The following DDAH1 variants were observed in gnomAD, a reference collection of about 807,000 sequenced individuals.
DDAH1 encodes the protein dimethylarginine dimethylaminohydrolase 1.
DDAH1 carries 19 observed loss-of-function variants against 28.8 expected under a neutral mutation model. The observed-to-expected ratio is 0.66, with a 90% confidence interval of 0.46 to 0.97. The LOEUF (loss-of-function observed/expected upper bound fraction) is 0.97, where lower values mean the gene tolerates loss of function less well. Among genes scored for constraint, DDAH1 ranks in the 50% least tolerant of loss-of-function variants. The probability of loss-of-function intolerance (pLI) is 0.00; values close to 1 mark genes in which losing one functional copy is unlikely to be tolerated. For missense variants in DDAH1, 326 were observed against 375.9 expected (o/e 0.87, Z 1.10); for synonymous variants, 153 against 154.4 (o/e 0.99, Z 0.07).
chr1:85,370,967 A>G (rs533427817), intron 1 of DDAH1, among the ~76,000 whole-genome samples: 4 of 152,332 alleles, frequency 2.6e-5, no homozygotes, highest in South Asian at 2.1e-4. Flanking sequence ...AATCTAAGAG[A>G]TATCAGAAGA....
In DDAH1 at chr1:85,464,350, G is replaced by A. The variant is rs918007837; in HGVS notation, c.303+393C>T. ...TCACGACTGGCGCTGCCCCCTGGAGGGACGCCCAGCCTCCACCCGCCCTAC... is the reference window on the plus strand; with the variant it reads ...TCACGACTGGCGCTGCCCCCTGGAGAGACGCCCAGCCTCCACCCGCCCTAC... On this transcript the variant is annotated intron_variant, in intron 1 of 5. Transcript: ENST00000284031. This position sits in a 1 kb window ranked among gnomAD's most constrained non-coding sequence, Gnocchi z 4.4. The A allele has an allele frequency of 1.3e-5, 8 of 609,676 alleles. No individual in the cohort carries two copies. Among genetic ancestry groups the A allele is most frequent in the African/African-American group, 1.9e-5 (1 of 53,258 alleles). The allele number at this position is 609,676 out of a possible 1,614,324, so 37.8% of individuals were successfully genotyped here.
intron 1 of DDAH1, among the ~76,000 whole-genome samples, chr1:85,387,406 T>TTCA (rs886921593): frequency 1.6e-4 from 25 of 152,312 alleles, no homozygotes; most frequent in African/African-American, 5.5e-4. Flanking sequence ...CCAGATAACC[T>TTCA]TCATCATCAT....
At chr1:85,383,106 T>C (rs758979318) in intron 1 of DDAH1, among the ~76,000 whole-genome samples, 2 of 152,216 alleles carry the variant, frequency 1.3e-5, no homozygotes, top group African/African-American at 2.4e-5. Context: ...ATACATTTCA[T>C]AGGGCTATTG....
At chr1:85,410,945 G>A (rs930249540) in intron 1 of DDAH1, among the ~76,000 whole-genome samples, 5 of 152,134 alleles carry the variant, frequency 3.3e-5, no homozygotes, top group Non-Finnish European at 1.5e-5. Context: ...AAGAGGGAGG[G>A]AGACAGTATA....
chr1:85,493,884 A>G (rs1656489144), intron 2 of DDAH1: 3 of 152,232 alleles, frequency 2.0e-5, no homozygotes, highest in African/African-American at 7.2e-5. Flanking sequence ...TTTATAAGAA[A>G]GGTTTATTGG....
chr1:85,439,954 T>G (rs1043727676), intron 1 of DDAH1, among the ~76,000 whole-genome samples: 1 of 152,226 alleles, frequency 6.6e-6, no homozygotes, highest in African/African-American at 2.4e-5. Context: ...TAGCCTTTGA[T>G]ATGATGTGTC....
chr1:85,479,748 T>C (rs191622598), intron 2 of DDAH1, among the ~76,000 whole-genome samples: 362 of 152,296 alleles, frequency 2.4e-3, no homozygotes, highest in Non-Finnish European at 3.9e-3. Flanking sequence ...GCTAGTTCAG[T>C]TTGCTGGGCC....
intron 1 of DDAH1, among the ~76,000 whole-genome samples, chr1:85,365,012 A>G (rs1012624477): frequency 6.6e-6 from 1 of 152,226 alleles, no homozygotes; most frequent in African/African-American, 2.4e-5. Flanking sequence ...TTAGTTAGCA[A>G]TGGTAACAGC....
intron 4 of DDAH1, among the ~76,000 whole-genome samples, chr1:85,331,073 G>A (rs1014885489): frequency 1.3e-5 from 2 of 152,182 alleles, no homozygotes; most frequent in Non-Finnish European, 2.9e-5. Flanking sequence ...TGTTCCCCAG[G>A]GTGGAGCTGT....
At chr1:85,563,916 G>A (rs1659210830) in intron 1 of DDAH1, among the ~76,000 whole-genome samples, 1 of 152,212 alleles carries the variant, frequency 6.6e-6, no homozygotes, top group East Asian at 1.9e-4. Flanking sequence ...GCTCACGCCT[G>A]TAATCCCAGC....
At chr1:85,426,309 T>C (rs577887685) in intron 1 of DDAH1, among the ~76,000 whole-genome samples, 1 of 152,272 alleles carries the variant, frequency 6.6e-6, no homozygotes, top group South Asian at 2.1e-4. Context: ...CCCTCTACAG[T>C]GTTGGTATAA....
chr1:85,334,095 C>T lies in DDAH1; in HGVS notation c.598-9212G>A, dbSNP rs551694560. 8.7e-4 allele frequency among the ~76,000 whole-genome samples: 133 copies of T among 152,200 alleles called. 1 individual carries two copies. In the Middle Eastern group the frequency reaches 0.01, roughly 12 times the overall value. ...AGACCAGAGGGAAGTAATTGGATCA[C>T]GGGGACGGTTCCGCACATGCTGTTC... On this transcript the variant is annotated intron_variant, in intron 4 of 5. Transcript: ENST00000284031.
At position 85,511,173 on chromosome 1, in the gene DDAH1, A is replaced by AT. The variant is rs1214657515; in HGVS notation, c.-122-14893dup. 2.6e-5 allele frequency among the ~76,000 whole-genome samples: 4 copies of AT among 152,370 alleles called. No homozygotes were observed. In the East Asian group the frequency reaches 7.7e-4, roughly 29 times the overall value. On this transcript the variant is annotated intron_variant, in intron 1 of 6. Coordinates refer to the DDAH1 transcript ENST00000426972. ...GTCTCTCGGACCACACTGCAATCAA[A>AT]TTAGACCTCAGGATTAAGAAACTCA... is the stretch of plus-strand genomic sequence containing the variant.
At chr1:85,483,832 A>G (rs998526881) in intron 2 of DDAH1, among the ~76,000 whole-genome samples, 1 of 152,158 alleles carries the variant, frequency 6.6e-6, no homozygotes, top group African/African-American at 2.4e-5. Flanking sequence ...ATTCAGCCCA[A>G]CACTCGCTCT....
At chr1:85,408,459 T>C (rs1184504366) in intron 1 of DDAH1, among the ~76,000 whole-genome samples, 1 of 152,210 alleles carries the variant, frequency 6.6e-6, no homozygotes, top group Non-Finnish European at 1.5e-5. Context: ...ATCATTTTGA[T>C]TTACATGTTT....
At chr1:85,483,485 A>G (rs1466038007) in intron 2 of DDAH1, among the ~76,000 whole-genome samples, 1 of 152,204 alleles carries the variant, frequency 6.6e-6, no homozygotes, top group Non-Finnish European at 1.5e-5. Flanking sequence ...AGGTACAGTT[A>G]ACAATTTCTT....
At chr1:85,520,378 A>G (rs1657640136) in intron 1 of DDAH1, among the ~76,000 whole-genome samples, 1 of 152,222 alleles carries the variant, frequency 6.6e-6, no homozygotes, top group African/African-American at 2.4e-5. Context: ...CTAAACTTTT[A>G]AAGGTAGACA....
rs376128434 is a variant in DDAH1 at position 85,321,434 on chromosome 1, C to A, written c.*18G>T. The A allele has an allele frequency of 1.2e-5, 19 of 1,570,120 alleles. No individual in the cohort carries two copies. The highest frequency in any genetic ancestry group is 1.5e-5 in the Non-Finnish European group (17 of 1,140,664). On this transcript the variant is annotated 3_prime_UTR_variant, in exon 6 of 6. Transcript: ENST00000284031. ...TTGCCTGTGCGGTCTTGCCGGCTAC[C>A]GGGGGGGACTCTGCAGCTCAGGAGT...
chr1:85,519,286 C>T (rs76460277), intron 1 of DDAH1, among the ~76,000 whole-genome samples: 1 of 151,790 alleles, frequency 6.6e-6, no homozygotes, highest in Non-Finnish European at 1.5e-5. Context: ...TTAGTAGATA[C>T]GGGGTTTCAC....
Sources: gnomAD v4.1 joint callset for allele counts (sites outside exome capture counted in the v4.1 genomes callset) on GRCh38, gnomAD v4.1.1 for gene constraint, Gnocchi (gnomAD v3.1) non-coding constraint, MANE v1.5 for transcripts, NCBI Gene and HGNC (gene_info 2026-07-23, HGNC 2026-07-21) for gene names.